Variants in STK38 observed in about 807,000 individuals in gnomAD.
STK38 encodes the protein serine/threonine kinase 38, also known as serine/threonine-protein kinase 38.
STK38 carries 26 observed loss-of-function variants against 59.0 expected under a neutral mutation model. The ratio of observed to expected loss-of-function variants is 0.44; its 90% CI spans 0.32 to 0.61. STK38 has a LOEUF of 0.61. Ranked by LOEUF, STK38 falls within the 20% of genes least tolerant of loss-of-function variation. The probability of loss-of-function intolerance (pLI) is 0.04; values close to 1 mark genes in which losing one functional copy is unlikely to be tolerated. For synonymous variants in STK38, 175 were observed against 176.6 expected (o/e 0.99, Z 0.07); for missense variants, 433 against 566.0 (o/e 0.76, Z 2.38).
rs770575695 is a variant in STK38 at position 36,498,424 on chromosome 6, C to G, written c.1015G>C (p.Glu339Gln). ...ETYKKVMNWKETLTFPPEVPI... is the reference protein window; with the variant it reads ...ETYKKVMNWKQTLTFPPEVPI... Reference sequence around the variant, plus strand: ...ACTTCTGGAGGAAAAGTCAAAGTTTCTTTCCAGTTCATCACCTTCTTATAT... The same window carrying G: ...ACTTCTGGAGGAAAAGTCAAAGTTTGTTTCCAGTTCATCACCTTCTTATAT... Residue 339 changes from glutamate (E) to glutamine (Q), a missense_variant, in exon 11 of 14, where the codon GAA (glutamate) becomes CAA (glutamine). Physicochemically the swap from Glu to Gln is conservative, Grantham distance 29 (BLOSUM62 2). Around this residue, in one of 3 missense-constraint regions of STK38, gnomAD observed 136 missense variants for 156.7 expected, o/e 0.87. Coordinates refer to ENST00000229812, the MANE Select transcript of STK38 (RefSeq NM_007271.4). 6 of 1,614,040 alleles carry G rather than the reference C, an allele frequency of 3.7e-6. No individual in the cohort carries two copies. The highest frequency in any genetic ancestry group is 5.1e-6 in the Non-Finnish European group (6 of 1,179,980).
intron 7 of STK38, among the ~76,000 whole-genome samples, chr6:36,514,493 G>C (rs780597593): frequency 6.6e-6 from 1 of 152,074 alleles, no homozygotes; most frequent in Non-Finnish European, 1.5e-5. Context: ...AGGTGAACGG[G>C]ATTTTAGGGG....
chr6:36,538,597 T>A (rs1777853584), intron 2 of STK38, among the ~76,000 whole-genome samples: 1 of 152,016 alleles, frequency 6.6e-6, no homozygotes, highest in Admixed American at 6.6e-5. Flanking sequence ...CAACATACCT[T>A]GAAGTGAGGC....
chr6:36,505,502 G>A (rs376615262), intron 9 of STK38, among the ~76,000 whole-genome samples: 18 of 152,156 alleles, frequency 1.2e-4, no homozygotes, highest in African/African-American at 4.1e-4. Flanking sequence ...CATCCCATAG[G>A]CTTCCATTTT....
intron 2 of STK38, among the ~76,000 whole-genome samples, chr6:36,533,512 T>C (rs901615512): frequency 9.8e-5 from 15 of 152,356 alleles, no homozygotes; most frequent in African/African-American, 3.4e-4. Flanking sequence ...CTGAAACTTT[T>C]AGAAGGCTTT....
At chr6:36,546,376 G>C (rs540625699) in intron 1 of STK38, among the ~76,000 whole-genome samples, 1 of 152,182 alleles carries the variant, frequency 6.6e-6, no homozygotes, top group South Asian at 2.1e-4. Flanking sequence ...AGGAGAGCCT[G>C]TTATCGAGGT....
intron 7 of STK38, among the ~76,000 whole-genome samples, chr6:36,512,432 G>A (rs558895285): frequency 1.3e-5 from 2 of 152,188 alleles, no homozygotes; most frequent in South Asian, 4.2e-4. Context: ...CACCAACCAG[G>A]GCATCTGAAC....
At chr6:36,501,743 G>A (rs943475360) in intron 9 of STK38, among the ~76,000 whole-genome samples, 3 of 151,928 alleles carry the variant, frequency 2.0e-5, no homozygotes, top group Non-Finnish European at 4.4e-5. Flanking sequence ...CTTAACATTC[G>A]TTTTGAGATT....
At position 36,495,755 on chromosome 6, in the gene STK38, G is replaced by T; in HGVS notation, c.*29C>A. 1 of 1,612,818 alleles carries T rather than the reference G, an allele frequency of 6.2e-7. No homozygotes were observed. Among genetic ancestry groups the T allele is most frequent in the Non-Finnish European group, 8.5e-7 (1 of 1,179,218 alleles). Reference sequence around the variant, plus strand: ...AGCATGATGTTATACAAAGAACTCTGCTCCACATAGGATTCCGTGGCAAGA... The same window carrying T: ...AGCATGATGTTATACAAAGAACTCTTCTCCACATAGGATTCCGTGGCAAGA... On this transcript the variant is annotated 3_prime_UTR_variant, in exon 14 of 14. Coordinates refer to ENST00000229812, the MANE Select transcript of STK38 (RefSeq NM_007271.4).
intron 7 of STK38, among the ~76,000 whole-genome samples, chr6:36,512,264 T>C (rs573208358): frequency 3.8e-4 from 58 of 152,324 alleles, no homozygotes; most frequent in Non-Finnish European, 8.1e-4. Flanking sequence ...AACATTTTGC[T>C]ACAAGTGTGA....
intron 2 of STK38, among the ~76,000 whole-genome samples, chr6:36,531,819 T>G (rs1287251090): frequency 6.6e-6 from 1 of 152,222 alleles, no homozygotes; most frequent in African/African-American, 2.4e-5. Context: ...CCAAATGAAT[T>G]TTATTCTTTC....
intron 9 of STK38, among the ~76,000 whole-genome samples, chr6:36,502,162 A>G (rs1451238601): frequency 6.6e-6 from 1 of 151,690 alleles, no homozygotes; most frequent in Admixed American, 6.6e-5. Context: ...TCTTTTTAAG[A>G]GATGGGGTCT....
chr6:36,534,707 T>C (rs931851675), intron 2 of STK38, among the ~76,000 whole-genome samples: 2 of 152,046 alleles, frequency 1.3e-5, no homozygotes, highest in Non-Finnish European at 2.9e-5. Flanking sequence ...GGAAACTGCC[T>C]CAACCTATAA....
chr6:36,495,958 C>G, intron 13 of STK38, 44 bp from the exon 14 acceptor site: 1 of 1,611,274 alleles, frequency 6.2e-7, no homozygotes, highest in Non-Finnish European at 8.5e-7. Flanking sequence ...TGCCTTGCCT[C>G]CAATGGACTG....
intron 2 of STK38, among the ~76,000 whole-genome samples, chr6:36,533,174 G>A (rs545675627): frequency 9.9e-4 from 150 of 152,126 alleles, no homozygotes; most frequent in Middle Eastern, 6.8e-3. Flanking sequence ...AAGAGATGGC[G>A]TCTTGTTCAG....
At position 36,496,889 on chromosome 6, in the gene STK38, CT is replaced by C. The variant is rs1172855991; in HGVS notation, c.1173-85del. 6 of 992,210 alleles carry C rather than the reference CT, an allele frequency of 6.0e-6. No individual in the cohort carries two copies. The Admixed American group carries it at 9.6e-5, about 16-fold the overall frequency. The allele number at this position is 992,210 out of a possible 1,614,324, so 61.5% of individuals were successfully genotyped here. A position where few individuals can be genotyped will look rare whatever the true frequency, so the allele number is the denominator to read the frequency against. ...TCAAGTCTTTCTCCAAAAAAGACCC[CT>C]GGTCTGACATGAGAAGACTCTTCAC... On this transcript the variant is annotated intron_variant, in intron 12 of 13. Coordinates refer to ENST00000229812, the MANE Select transcript of STK38 (RefSeq NM_007271.4).
rs1415278951 is a variant in STK38, at chr6:36,494,375, T to G, written c.*1409A>C. On this transcript the variant is annotated 3_prime_UTR_variant, in exon 14 of 14. Transcript: ENST00000229812. Reference sequence around the variant, plus strand: ...CCCAGCTGCAGCTCGGCCACAATACTTTGCAACAGGCAAAGTTCCCACATA... The same window carrying G: ...CCCAGCTGCAGCTCGGCCACAATACGTTGCAACAGGCAAAGTTCCCACATA... The G allele has an allele frequency of 6.5e-6, 1 of 152,690 alleles. No individual in the cohort carries two copies. Among genetic ancestry groups the G allele is most frequent in the Non-Finnish European group, 1.5e-5 (1 of 68,048 alleles). The allele number at this position is 152,690 out of a possible 1,614,324, so 9.5% of individuals were successfully genotyped here.
chr6:36,499,076 G>T (rs1776774932), intron 10 of STK38, among the ~76,000 whole-genome samples: 1 of 152,184 alleles, frequency 6.6e-6, no homozygotes, highest in South Asian at 2.1e-4. Context: ...GTAGAGCTGG[G>T]AAAAGAAAGG....
At chr6:36,519,890 A>G in intron 5 of STK38, among the ~76,000 whole-genome samples, 1 of 152,188 alleles carries the variant, frequency 6.6e-6, no homozygotes, top group East Asian at 1.9e-4. Context: ...AAATTTTTCC[A>G]GGTAGCAAAA....
chr6:36,538,891 CAA>C (rs1214217676), intron 2 of STK38, among the ~76,000 whole-genome samples: 3 of 54,140 alleles, frequency 5.5e-5, no homozygotes, highest in Non-Finnish European at 7.0e-5. Context: ...GACTCTGTCT[CAA>C]AAAAAAAAAA....
Sources: gnomAD v4.1 joint callset for allele counts (sites outside exome capture counted in the v4.1 genomes callset) on GRCh38, gnomAD v4.1.1 for gene constraint, gnomAD v4.1.1 regional missense constraint, MANE v1.5 for transcripts, NCBI Gene and HGNC (gene_info 2026-07-23, HGNC 2026-07-21) for gene names.